AHCTF1: variants seen among roughly 807,000 people sequenced by gnomAD.
AHCTF1 encodes the protein protein ELYS.
Under a neutral mutation model 248.4 loss-of-function variants are expected in AHCTF1, and 24 were observed. That is an observed-to-expected ratio of 0.10 (90% confidence interval 0.07 to 0.14). AHCTF1 has a LOEUF of 0.14. AHCTF1 is among the 10% of genes least tolerant of loss of function. The pLI, the probability that AHCTF1 is intolerant of heterozygous loss-of-function variation, is 1.00. For synonymous variants in AHCTF1, 786 were observed against 929.8 expected (o/e 0.85, Z 2.81); for missense variants, 2,206 against 2,636.2 (o/e 0.84, Z 3.57).
chr1:246,885,902 T>G (rs1558247770), intron 20 of AHCTF1, among the ~76,000 whole-genome samples: 2 of 152,098 alleles, frequency 1.3e-5, no homozygotes, highest in Non-Finnish European at 2.9e-5. Flanking sequence ...TTTGAAAAAA[T>G]AAGGCTGGGC....
intron 24 of AHCTF1, among the ~76,000 whole-genome samples, chr1:246,874,788 A>T (rs917937759): frequency 7.2e-5 from 11 of 152,208 alleles, no homozygotes; most frequent in African/African-American, 2.7e-4. Context: ...TAACATCTCC[A>T]GACACATATC....
rs1666141536 is a variant in AHCTF1, at chr1:246,916,316, A to C, written c.201T>G (p.Ala67=). The C allele has an allele frequency of 8.7e-6, 14 of 1,610,198 alleles. No individual in the cohort carries two copies. The highest frequency in any genetic ancestry group is 1.2e-5 in the Non-Finnish European group (14 of 1,177,078). Residue 67 remains alanine (A), a synonymous_variant, in exon 3 of 36, where the codon GCT becomes GCG. Coordinates refer to ENST00000648844, the MANE Select transcript of AHCTF1 (RefSeq NM_001323342.2). The part of the protein sequence containing the change: ...VNSITGERLS[A]YRFSGVNEQP... ...GTTCATTGACTCCACTGAATCTGTA[A>C]GCAGACAATCGCTCTCCTGTTATAG...
intron 34 of AHCTF1, among the ~76,000 whole-genome samples, chr1:246,843,128 T>C (rs1253063202): frequency 6.6e-6 from 1 of 152,230 alleles, no homozygotes; most frequent in African/African-American, 2.4e-5. Flanking sequence ...TCATCTTTCA[T>C]AGAGACTACC....
At position 246,918,343 on chromosome 1, in the gene AHCTF1, T is replaced by C; in HGVS notation, c.28A>G (p.Ser10Gly). Residue 10 changes from serine (S) to glycine (G), a missense_variant, in exon 2 of 36, where the codon AGT becomes GGT. Coordinates refer to ENST00000648844, the MANE Select transcript of AHCTF1 (RefSeq NM_001323342.2). MRDLRAQVT[S>G]GLLPFPEVTL... The stretch of plus-strand genomic sequence containing the variant: ...ACTTCTGGAAATGGCAGGAGACCAC[T>C]AGTCACTTGAGCTCTTAAGTCTCGC... The C allele has an allele frequency of 6.2e-7, 1 of 1,612,724 alleles. No individual in the cohort carries two copies. The highest frequency in any genetic ancestry group is 2.2e-5 in the East Asian group (1 of 44,856).
At chr1:246,918,611 T>C (rs1476045681) in intron 1 of AHCTF1, among the ~76,000 whole-genome samples, 1 of 152,204 alleles carries the variant, frequency 6.6e-6, no homozygotes, top group Non-Finnish European at 1.5e-5. Flanking sequence ...GCGCCTCCAG[T>C]GAGCTATGAT....
intron 29 of AHCTF1, among the ~76,000 whole-genome samples, chr1:246,859,224 A>G (rs1423481819): frequency 6.6e-6 from 1 of 152,224 alleles, no homozygotes; most frequent in Non-Finnish European, 1.5e-5. Flanking sequence ...TAAGATGCAG[A>G]TTTTTATGTA....
In AHCTF1 at chr1:246,853,239, A is replaced by G; in HGVS notation, c.4415T>C (p.Ile1472Thr). The G allele has an allele frequency of 6.2e-7, 1 of 1,614,010 alleles. No individual in the cohort carries two copies. The highest frequency in any genetic ancestry group is 8.5e-7 in the Non-Finnish European group (1 of 1,179,976). The change falls in exon 32 of 36, where the codon ATT (isoleucine) becomes ACT (threonine). Residue 1472 changes from isoleucine (I) to threonine (T), a missense_variant. By Grantham distance (89) the Ile-to-Thr change is moderately conservative. This residue lies in a region of AHCTF1 where 955 missense variants were observed against 1,055.6 expected (regional missense o/e 0.90). Transcript: ENST00000648844. ...NSSLTISEGPIVSERRLNQEV... is the reference protein window; with the variant it reads ...NSSLTISEGPTVSERRLNQEV... ...CTGGTTAAGCCTGCGCTCAGAGACA[A>G]TAGGACCTTCAGAGATAGTGAGCGA...
At position 246,876,102 on chromosome 1, in the gene AHCTF1, T is replaced by A; in HGVS notation, c.3023A>T (p.His1008Leu). 1 of 1,609,844 alleles carries A rather than the reference T, an allele frequency of 6.2e-7. No individual in the cohort carries two copies. Among genetic ancestry groups the A allele is most frequent in the Non-Finnish European group, 8.5e-7 (1 of 1,178,544 alleles). ...DQYGKILPRVHRKLAIERAKP... is the reference protein window; with the variant it reads ...DQYGKILPRVLRKLAIERAKP... ...AGCTCGTTCAATGGCTAATTTTCGATGGACTCTAGGAAGGATTTTTCCATA... is the reference window on the plus strand; with the variant it reads ...AGCTCGTTCAATGGCTAATTTTCGAAGGACTCTAGGAAGGATTTTTCCATA... The change falls in exon 24 of 36, where the codon CAT becomes CTT. Residue 1008 changes from histidine (H) to leucine (L), a missense_variant. By Grantham distance (99) the His-to-Leu change is moderately conservative. Transcript: ENST00000648844.
chr1:246,848,029 C>G (rs1392615606), intron 33 of AHCTF1, among the ~76,000 whole-genome samples: 3 of 152,142 alleles, frequency 2.0e-5, no homozygotes, highest in African/African-American at 7.2e-5. Flanking sequence ...AAACATAGGT[C>G]TAACCACACT....
chr1:246,898,665 G>A (rs370142896), intron 11 of AHCTF1, among the ~76,000 whole-genome samples: 1 of 128,858 alleles, frequency 7.8e-6, no homozygotes, highest in Non-Finnish European at 1.6e-5. Flanking sequence ...CACACACACA[G>A]GAAAACTCCT....
intron 30 of AHCTF1, among the ~76,000 whole-genome samples, chr1:246,856,055 TG>T (rs1245156419): frequency 1.3e-5 from 2 of 152,232 alleles, no homozygotes; most frequent in African/African-American, 4.8e-5. Context: ...TTGGCAACAA[TG>T]GCATGGCCTT....
chr1:246,850,407 C>T lies in AHCTF1; in HGVS notation c.5599G>A (p.Val1867Ile), dbSNP rs779999268. 6.2e-7 allele frequency: 1 copy of T among 1,602,704 alleles called. No individual in the cohort carries two copies. Among genetic ancestry groups the T allele is most frequent in the South Asian group, 1.1e-5 (1 of 88,826 alleles). The change falls in exon 33 of 36, where the codon GTT becomes ATT. Residue 1867 changes from valine (V) to isoleucine (I), a missense_variant. By Grantham distance (29) the Val-to-Ile change is conservative. Transcript: ENST00000648844. ...ATTCTTCTAGGAGTCCTTTTTGTAA[C>T]AGATGAAACCTTAACTTCTTTTTTA... ...TTKKEVKVSS[V>I]TKRTPRRIKR...
intron 6 of AHCTF1, among the ~76,000 whole-genome samples, chr1:246,904,331 T>C (rs764396291): frequency 2.0e-5 from 3 of 152,232 alleles, no homozygotes; most frequent in Non-Finnish European, 2.9e-5. Flanking sequence ...TCAATGGTTA[T>C]ACTCTACTTA....
At chr1:246,907,869 T>A (rs1665506340) in intron 4 of AHCTF1, 111 bp from the exon 5 acceptor site, 1 of 887,080 alleles carries the variant, frequency 1.1e-6, no homozygotes, top group Non-Finnish European at 1.7e-6. Context: ...TAAATGAAGT[T>A]AATTGAAATT....
Position 246,898,177 on chromosome 1 carries a change from A to T in AHCTF1, c.1623+31T>A, listed in dbSNP as rs1471881649. ...GAAAGCTAATAACGTGATCCAACCA[A>T]AAGAAACAATAGAGTTAAAAATCAT... On this transcript the variant is annotated intron_variant, in intron 12 of 35. Coordinates refer to ENST00000648844, the MANE Select transcript of AHCTF1 (RefSeq NM_001323342.2). The T allele has an allele frequency of 2.5e-6, 4 of 1,609,726 alleles. No homozygotes were observed. The South Asian group carries it at 4.4e-5, about 18-fold the overall frequency.
intron 20 of AHCTF1, among the ~76,000 whole-genome samples, chr1:246,886,747 G>C (rs1663845941): frequency 6.6e-6 from 1 of 152,086 alleles, no homozygotes; most frequent in South Asian, 2.1e-4. Context: ...GTAAATTTTG[G>C]TATGTTTCTG....
At chr1:246,928,348 CACT>C (rs935608225) in intron 1 of AHCTF1, among the ~76,000 whole-genome samples, 11 of 151,404 alleles carry the variant, frequency 7.3e-5, no homozygotes, top group Non-Finnish European at 2.9e-5. Context: ...CTGTCTTCTC[CACT>C]ACACTATGAA....
chr1:246,878,093 T>A (rs1663108386), intron 21 of AHCTF1, among the ~76,000 whole-genome samples: 1 of 151,838 alleles, frequency 6.6e-6, no homozygotes, highest in African/African-American at 2.4e-5. Context: ...TGCAAAAGAT[T>A]AAGTATAAGA....
chr1:246,931,410 C>A, intron 1 of AHCTF1, 168 bp downstream of exon 1: 1 of 1,472,228 alleles, frequency 6.8e-7, no homozygotes, highest in South Asian at 1.4e-5. Flanking sequence ...CCACCGCTCG[C>A]CCCCTCGAGC....
Sources: allele counts gnomAD v4.1 joint callset (sites outside exome capture counted in the v4.1 genomes callset), GRCh38; gene constraint gnomAD v4.1.1; regional missense constraint gnomAD v4.1.1; transcripts MANE v1.5; gene names NCBI Gene and HGNC (gene_info 2026-07-23, HGNC 2026-07-21).